Variants in IL20RB observed in about 807,000 individuals in gnomAD.
The protein encoded by IL20RB is interleukin-20 receptor subunit beta.
IL20RB carries 21 observed loss-of-function variants against 33.3 expected under a neutral mutation model. That is an observed-to-expected ratio of 0.63 (90% confidence interval 0.45 to 0.91). The LOEUF (loss-of-function observed/expected upper bound fraction) is 0.91, where lower values mean the gene tolerates loss of function less well. IL20RB is among the 40% of genes least tolerant of loss of function. The probability of loss-of-function intolerance (pLI) is 0.00; values close to 1 mark genes in which losing one functional copy is unlikely to be tolerated. For missense variants in IL20RB, 345 were observed against 384.8 expected, an observed-to-expected ratio of 0.90 and a Z score of 0.86; for synonymous variants, 147 against 146.8, an observed-to-expected ratio of 1.00 and a Z score of -0.01.
rs775284963 is a variant in IL20RB at position 136,991,962 on chromosome 3, G to T, written c.556G>T (p.Gly186Trp). Residue 186 changes from glycine to tryptophan, a missense_variant, in exon 5 of 7, where the codon GGG (glycine) becomes TGG (tryptophan). By Grantham distance (184) the Gly-to-Trp change is radical (BLOSUM62 -2). Coordinates refer to ENST00000329582, the MANE Select transcript of IL20RB (RefSeq NM_144717.4). ...GGAACATGTCAAAATGGTGAGGAGT[G>T]GGGGTATTCCAGTGCACCTAGAAAC... The part of the protein sequence containing the change: ...AEEHVKMVRS[G>W]GIPVHLETME... The T allele has an allele frequency of 3.1e-6, 5 of 1,614,110 alleles. No homozygotes were observed. The highest frequency in any genetic ancestry group is 2.2e-5 in the East Asian group (1 of 44,864).
chr3:137,002,425 C>T (rs1171517828), intron 6 of IL20RB, among the ~76,000 whole-genome samples: 2 of 152,230 alleles, frequency 1.3e-5, no homozygotes, highest in African/African-American at 4.8e-5. Context: ...TCCATATCCT[C>T]TCTAGCATCT....
intron 1 of IL20RB, among the ~76,000 whole-genome samples, chr3:136,976,395 C>T (rs904118548): frequency 3.5e-4 from 53 of 152,176 alleles, no homozygotes; most frequent in Non-Finnish European, 7.3e-4. Context: ...ACCTCTGTGG[C>T]TACAGCCTGG....
intron 1 of IL20RB, among the ~76,000 whole-genome samples, chr3:136,970,100 G>GT (rs1553802640): frequency 3.5e-4 from 50 of 144,070 alleles, no homozygotes; most frequent in Admixed American, 7.6e-4. Context: ...TTGTTTTTTT[G>GT]TTTTTTTTTT....
chr3:136,996,981 A>C (rs578141384), intron 6 of IL20RB, among the ~76,000 whole-genome samples: 1 of 152,216 alleles, frequency 6.6e-6, no homozygotes, highest in Admixed American at 6.5e-5. Flanking sequence ...ATTAGGTCAA[A>C]ATGTTTCGTG....
Position 136,982,273 on chromosome 3 carries a change from A to G in IL20RB, c.329A>G (p.Asn110Ser), listed in dbSNP as rs759781602. 9 of 1,611,622 alleles carry G rather than the reference A, an allele frequency of 5.6e-6. No individual in the cohort carries two copies. Among genetic ancestry groups the G allele is most frequent in the East Asian group, 2.2e-5 (1 of 44,756 alleles). The change falls in exon 3 of 7, where the codon AAC (asparagine) becomes AGC (serine). Residue 110 changes from asparagine (N) to serine (S), a missense_variant. Physicochemically the swap from Asn to Ser is conservative, Grantham distance 46. Coordinates refer to ENST00000329582, the MANE Select transcript of IL20RB (RefSeq NM_144717.4). ...TDDITATVPY[N>S]LRVRATLGSQ... ...GACATCACGGCCACTGTGCCATACA[A>G]CCTTCGTGTCAGGGCCACATTGGGC...
At chr3:137,002,502 G>T (rs1162601549) in intron 6 of IL20RB, among the ~76,000 whole-genome samples, 1 of 152,084 alleles carries the variant, frequency 6.6e-6, no homozygotes, top group Non-Finnish European at 1.5e-5. Flanking sequence ...TTGTGATTTT[G>T]ATTTGCATTT....
In IL20RB at chr3:136,989,526, G is replaced by C. The variant is rs201605222; in HGVS notation, c.492G>C (p.Glu164Asp). 6 of 1,614,074 alleles carry C rather than the reference G, an allele frequency of 3.7e-6. No homozygotes were observed. Among genetic ancestry groups the C allele is most frequent in the Non-Finnish European group, 5.1e-6 (6 of 1,179,966 alleles). Residue 164 changes from glutamate to aspartate, a missense_variant, in exon 4 of 7, where the codon GAG becomes GAC. Coordinates refer to ENST00000329582, the MANE Select transcript of IL20RB (RefSeq NM_144717.4). ...IELEDLGPQF[E>D]FLVAYWRREP... is the part of the protein sequence containing the mutation. ...TGGAGGACCTGGGGCCCCAGTTTGA[G>C]TTCCTTGTGGCCTACTGGAGGAGGG...
intron 1 of IL20RB, among the ~76,000 whole-genome samples, chr3:136,960,550 C>T (rs1941191537): frequency 6.6e-6 from 1 of 152,220 alleles, no homozygotes; most frequent in South Asian, 2.1e-4. Context: ...ATCACAATGA[C>T]AATCACAACT....
chr3:136,970,706 G>T (rs1034688873), intron 1 of IL20RB, among the ~76,000 whole-genome samples: 1 of 150,976 alleles, frequency 6.6e-6, no homozygotes, highest in Non-Finnish European at 1.5e-5. Context: ...AGGCTGGAGT[G>T]CAGTGGTGCA....
At chr3:137,000,560 T>C (rs1193653000) in intron 6 of IL20RB, among the ~76,000 whole-genome samples, 1 of 152,246 alleles carries the variant, frequency 6.6e-6, no homozygotes, top group Non-Finnish European at 1.5e-5. Context: ...TTAAGGAATC[T>C]GTTTTTAATA....
intron 1 of IL20RB, 148 bp from the exon 2 acceptor site, chr3:136,980,318 T>G: frequency 1.2e-6 from 1 of 818,136 alleles, no homozygotes; most frequent in East Asian, 2.5e-5. Context: ...CAGAGTCTCA[T>G]TCTGTTGTCT....
chr3:136,970,356 A>G (rs1191765186), intron 1 of IL20RB, among the ~76,000 whole-genome samples: 1 of 151,874 alleles, frequency 6.6e-6, no homozygotes, highest in Non-Finnish European at 1.5e-5. Context: ...CAGCCTCCCA[A>G]AGTTCTGGGA....
intron 1 of IL20RB, among the ~76,000 whole-genome samples, chr3:136,976,903 G>A (rs1180297446): frequency 1.3e-5 from 2 of 152,162 alleles, no homozygotes; most frequent in Non-Finnish European, 2.9e-5. Flanking sequence ...CAGGGCTTAG[G>A]AGGGTTGAGG....
chr3:136,996,612 C>T lies in IL20RB; in HGVS notation c.825+1056C>T, dbSNP rs184136410. On this transcript the variant is annotated intron_variant, in intron 6 of 6. Coordinates refer to ENST00000329582, the MANE Select transcript of IL20RB (RefSeq NM_144717.4). ...CTATAATTCAGTCTTCAGGACACCCCTCCACTCTGTTATCCTAATGCCAGA... is the reference window on the plus strand; with the variant it reads ...CTATAATTCAGTCTTCAGGACACCCTTCCACTCTGTTATCCTAATGCCAGA... 7.2e-4 allele frequency among the ~76,000 whole-genome samples: 110 copies of T among 152,274 alleles called. 1 individual carries two copies. In the Middle Eastern group the frequency reaches 0.01, roughly 14 times the overall value.
At chr3:136,981,707 C>T (rs75977) in intron 2 of IL20RB, among the ~76,000 whole-genome samples, 1 of 151,952 alleles carries the variant, frequency 6.6e-6, no homozygotes, top group African/African-American at 2.4e-5. Context: ...TATCACGCTT[C>T]GGAGCAGAGT....
At position 136,995,570 on chromosome 3, in the gene IL20RB, T is replaced by G; in HGVS notation, c.825+14T>G. ...CCAGACACCTTGGTAATAGAGTAGT[T>G]CTTTATTCCTTTCAGTATAACACTG... On this transcript the variant is annotated intron_variant, in intron 6 of 6. Transcript: ENST00000329582. 6.2e-7 allele frequency: 1 copy of G among 1,613,528 alleles called. No individual in the cohort carries two copies. The highest frequency in any genetic ancestry group is 8.5e-7 in the Non-Finnish European group (1 of 1,179,476).
intron 1 of IL20RB, among the ~76,000 whole-genome samples, chr3:136,964,546 T>A (rs1409162277): frequency 8.6e-5 from 5 of 58,398 alleles, no homozygotes; most frequent in African/African-American, 4.0e-4. Context: ...GGGTTGTTTG[T>A]TTTTTTCTTG....
intron 6 of IL20RB, among the ~76,000 whole-genome samples, chr3:137,001,203 C>T (rs555224632): frequency 2.6e-4 from 40 of 152,344 alleles, no homozygotes; most frequent in African/African-American, 8.9e-4. Flanking sequence ...ATAGACGTCA[C>T]TACCCTTGAC....
intron 6 of IL20RB, among the ~76,000 whole-genome samples, chr3:136,997,198 A>C (rs1942148072): frequency 6.6e-6 from 1 of 151,734 alleles, no homozygotes; most frequent in African/African-American, 2.4e-5. Context: ...TTCTGAGTTC[A>C]AGCAATTCTC....
Sources: gnomAD v4.1 joint callset for allele counts (sites outside exome capture counted in the v4.1 genomes callset) on GRCh38, gnomAD v4.1.1 for gene constraint, MANE v1.5 for transcripts, NCBI Gene and HGNC (gene_info 2026-07-23, HGNC 2026-07-21) for gene names.